Variants in CREB3L1 observed in about 807,000 individuals in gnomAD.
The protein encoded by CREB3L1 is cAMP responsive element binding protein 3 like 1.
Under a neutral mutation model 54.5 loss-of-function variants are expected in CREB3L1, and 33 were observed. The observed-to-expected ratio is 0.61, with a 90% CI of 0.46 to 0.81. The LOEUF (loss-of-function observed/expected upper bound fraction) is 0.81. Among genes scored for constraint, CREB3L1 ranks in the 30% least tolerant of loss-of-function variants. The probability of loss-of-function intolerance (pLI) is 0.00; values close to 1 mark genes in which losing one functional copy is unlikely to be tolerated. For missense variants in CREB3L1, 656 were observed against 673.3 expected (o/e 0.97, Z 0.29); for synonymous variants, 284 against 286.4 (o/e 0.99, Z 0.08).
At chr11:46,310,992 T>A (rs1239271399) in intron 4 of CREB3L1, 40 bp from the exon 5 acceptor site, 1 of 1,526,680 alleles carries the variant, frequency 6.6e-7, no homozygotes, top group African/African-American at 1.4e-5. Context: ...GTGGAGCTGA[T>A]GTGCAACGTT....
chr11:46,320,450 T>C lies in CREB3L1; in HGVS notation c.1445T>C (p.Leu482Pro). ...AGCACCCACGAGACCACCAAGTACC[T>C]GAGTGAGGCCTGGCCTAAAGACGGT... ...LDSTHETTKY[L>P]SEAWPKDGGN... The change falls in exon 11 of 12, where the codon CTG (leucine) becomes CCG (proline). Residue 482 changes from leucine to proline, a missense_variant. Coordinates refer to ENST00000621158, the MANE Select transcript of CREB3L1 (RefSeq NM_052854.4). 6.2e-7 allele frequency: 1 copy of C among 1,608,454 alleles called. No homozygotes were observed. Among genetic ancestry groups the C allele is most frequent in the Non-Finnish European group, 8.5e-7 (1 of 1,177,536 alleles).
rs557941973 is a variant in CREB3L1 at position 46,306,879 on chromosome 11, C to CTT, written c.332-924_332-923dup. Among the ~76,000 whole-genome samples, 588 of 141,534 alleles carry CTT rather than the reference C, an allele frequency of 4.2e-3. 3 individuals carry two copies. Among genetic ancestry groups the CTT allele is most frequent in the African/African-American group, 0.013 (486 of 38,456 alleles). The allele number at this position is 141,534 out of a possible 152,430, so 92.9% of individuals were successfully genotyped here. Reference sequence around the variant, plus strand: ...CTCCTCCTCCCAAGCAATTCTCTCTCTTTTTTTTTTTTTTCAGACAGAGTC... The same window carrying CTT: ...CTCCTCCTCCCAAGCAATTCTCTCTCTTTTTTTTTTTTTTTTCAGACAGAGTC... On this transcript the variant is annotated intron_variant, in intron 2 of 11. Transcript: ENST00000621158.
intron 8 of CREB3L1, 58 bp downstream of exon 8, chr11:46,312,977 G>A: frequency 1.6e-6 from 2 of 1,254,408 alleles, no homozygotes; most frequent in Non-Finnish European, 2.2e-6. Flanking sequence ...CCCGTGCCTG[G>A]CTCTGCATAG....
At chr11:46,320,549 C>G in intron 11 of CREB3L1, 21 bp downstream of exon 11, 1 of 1,562,270 alleles carries the variant, frequency 6.4e-7, no homozygotes, top group Non-Finnish European at 8.7e-7. Context: ...TGGCCCCTTT[C>G]CCTCCTGAGG....
Position 46,320,399 on chromosome 11 carries a change from A to G in CREB3L1, c.1394A>G (p.Asp465Gly). The G allele has an allele frequency of 1.2e-6, 2 of 1,611,100 alleles. No individual in the cohort carries two copies. Among genetic ancestry groups the G allele is most frequent in the Non-Finnish European group, 1.7e-6 (2 of 1,178,728 alleles). The change falls in exon 11 of 12, where the codon GAC (aspartate) becomes GGC (glycine). Residue 465 changes from aspartate (D) to glycine (G), a missense_variant. Transcript: ENST00000621158. ...PGGPAEQRPR[D>G]HLQHDHLDST... ...GGGCCGGCAGAGCAGCGGCCCCGGG[A>G]CCACCTGCAGCATGATCACCTGGAC...
At chr11:46,304,724 C>T (rs551227136) in intron 2 of CREB3L1, among the ~76,000 whole-genome samples, 1 of 151,988 alleles carries the variant, frequency 6.6e-6, no homozygotes, top group Admixed American at 6.6e-5. Flanking sequence ...GGGTCTTACT[C>T]TGTCACCCAG....
intron 1 of CREB3L1, among the ~76,000 whole-genome samples, chr11:46,286,803 CAAAAAGA>C (rs1406572530): frequency 6.6e-6 from 1 of 151,144 alleles, no homozygotes; most frequent in Admixed American, 6.6e-5. Flanking sequence ...AACAGACAAA[CAAAAAGA>C]AAAAAGAAAA....
intron 1 of CREB3L1, among the ~76,000 whole-genome samples, chr11:46,296,103 T>C (rs150686418): frequency 2.6e-5 from 4 of 152,236 alleles, no homozygotes; most frequent in Admixed American, 6.5e-5. Context: ...GACACATGGC[T>C]CCCCTGAAGT....
chr11:46,320,655 G>A, intron 11 of CREB3L1, 55 bp from the exon 12 acceptor site: 2 of 1,582,642 alleles, frequency 1.3e-6, no homozygotes, highest in East Asian at 4.6e-5. Flanking sequence ...CCAGCTTGCA[G>A]AGGGTAAGAG....
intron 2 of CREB3L1, among the ~76,000 whole-genome samples, chr11:46,302,168 AAATAATAATAATAATAATAATAATAAT>A (rs61146206): frequency 7.4e-6 from 1 of 135,628 alleles, no homozygotes. Flanking sequence ...GCTCCGTCTC[AAATAATAATAATAATAATAATAATAAT>A]AATAATAATA....
chr11:46,299,470 A>G (rs1205203421), intron 1 of CREB3L1, among the ~76,000 whole-genome samples: 7 of 152,160 alleles, frequency 4.6e-5, no homozygotes, highest in Admixed American at 4.6e-4. Context: ...ATTCACTAAT[A>G]TTGCCTTTGG....
At position 46,308,007 on chromosome 11, in the gene CREB3L1, C is replaced by T; in HGVS notation, c.516+7C>T. ...GCTGCCCATCCCCCACCAGGTGAGC[C>T]TGGGAACTGTTTGTAGCGGCTGAGG... On this transcript the variant is annotated splice_region_variant and intron_variant, in intron 3 of 11. Coordinates refer to ENST00000621158, the MANE Select transcript of CREB3L1 (RefSeq NM_052854.4). 1 of 1,524,590 alleles carries T rather than the reference C, an allele frequency of 6.6e-7. No homozygotes were observed. Among genetic ancestry groups the T allele is most frequent in the African/African-American group, 1.4e-5 (1 of 71,670 alleles). 94.4% of individuals were successfully genotyped at this position (1,524,590 alleles called of 1,614,324 possible).
In CREB3L1 at chr11:46,278,992, T is replaced by C. The variant is rs1938926984; in HGVS notation, c.102+779T>C. Among the ~76,000 whole-genome samples, 2 of 151,980 alleles carry C rather than the reference T, an allele frequency of 1.3e-5. No homozygotes were observed. The highest frequency in any genetic ancestry group is 1.5e-5 in the Non-Finnish European group (1 of 67,988). ...AACGTGGCTTCTCTCTCTTCTTCCC[T>C]CCCTCCCTCTCTCAGGCTCAGCCCT... is the stretch of plus-strand genomic sequence containing the variant. On this transcript the variant is annotated intron_variant, in intron 1 of 11. Transcript: ENST00000621158. This position sits in a 1 kb window ranked among gnomAD's most constrained non-coding sequence, Gnocchi z 4.2.
chr11:46,316,450 C>A, intron 9 of CREB3L1, 65 bp downstream of exon 9: 1 of 1,071,228 alleles, frequency 9.3e-7, no homozygotes, highest in Non-Finnish European at 1.4e-6. Context: ...TGGCTTTTTC[C>A]AGGGTTGGGC....
In CREB3L1 at chr11:46,320,321, G is replaced by A. The variant is rs140441557; in HGVS notation, c.1316G>A (p.Arg439His). The A allele has an allele frequency of 1.6e-5, 26 of 1,612,782 alleles. No homozygotes were observed. Among genetic ancestry groups the A allele is most frequent in the Middle Eastern group, 1.7e-4 (1 of 6,056 alleles). The part of the protein sequence containing the change: ...DDGAGLWEDG[R>H]STLLPMEPPD... ...GGGGCAGGCTTATGGGAAGATGGCC[G>A]CAGCACCCTGCTGCCCATGGAGCCC... The change falls in exon 11 of 12, where the codon CGC becomes CAC. Residue 439 changes from arginine (R) to histidine (H), a missense_variant. Physicochemically the swap from Arg to His is conservative, Grantham distance 29 (BLOSUM62 0). This residue lies in a region of CREB3L1 where 240 missense variants were observed against 219.8 expected (regional missense o/e 1.09). Coordinates refer to ENST00000621158, the MANE Select transcript of CREB3L1 (RefSeq NM_052854.4).
chr11:46,292,548 A>G (rs1010539610), intron 1 of CREB3L1, among the ~76,000 whole-genome samples: 2 of 152,216 alleles, frequency 1.3e-5, no homozygotes, highest in Non-Finnish European at 2.9e-5. Context: ...TAAGGGTAGT[A>G]GGGAGCCATG....
intron 6 of CREB3L1, 51 bp downstream of exon 6, chr11:46,312,525 C>G: frequency 6.2e-7 from 1 of 1,609,604 alleles, no homozygotes; most frequent in African/African-American, 1.3e-5. Flanking sequence ...TGGGTGGGCT[C>G]CCCTGGCATA....
At chr11:46,279,587 C>G (rs1227756389) in intron 1 of CREB3L1, among the ~76,000 whole-genome samples, 2 of 152,186 alleles carry the variant, frequency 1.3e-5, no homozygotes, top group Non-Finnish European at 1.5e-5. Context: ...CACTGGCTCT[C>G]CTCCCTGAGC....
chr11:46,317,215 G>A, intron 9 of CREB3L1, 146 bp from the exon 10 acceptor site: 1 of 996,880 alleles, frequency 1.0e-6, no homozygotes, highest in Non-Finnish European at 1.5e-6. Flanking sequence ...CCCACATGTA[G>A]GAGGGAGTGG....
Sources: allele counts gnomAD v4.1 joint callset (sites outside exome capture counted in the v4.1 genomes callset), GRCh38; gene constraint gnomAD v4.1.1; regional missense constraint gnomAD v4.1.1; non-coding constraint Gnocchi (gnomAD v3.1); transcripts MANE v1.5; gene names NCBI Gene and HGNC (gene_info 2026-07-23, HGNC 2026-07-21).